Variants in CRADD observed in about 807,000 individuals in gnomAD.
CRADD encodes the protein CARD and death domain containing adaptor protein, also known as death domain-containing protein CRADD.
In CRADD, 9 loss-of-function variants were observed where a neutral mutation model predicts 15.5. The ratio of observed to expected loss-of-function variants is 0.58; its 90% confidence interval spans 0.35 to 1.01. The LOEUF (loss-of-function observed/expected upper bound fraction) is 1.01. CRADD is among the 50% of genes least tolerant of loss of function. The pLI is 0.02. For missense variants in CRADD, 227 were observed against 250.3 expected (o/e 0.91, Z 0.63); for synonymous variants, 118 against 107.6 (o/e 1.10, Z -0.60).
In CRADD at chr12:93,766,676, G is replaced by A. The variant is rs145625799; in HGVS notation, c.299-83294G>A. Among the ~76,000 whole-genome samples, 16 of 152,330 alleles carry A rather than the reference G, an allele frequency of 1.1e-4. No homozygotes were observed. In the South Asian group the frequency reaches 1.7e-3, roughly 16 times the overall value. ...AAGGTGAAACTGGTCCTCGTGATTG[G>A]TCGATTGCTTCTCTTTCTTGAGCAC... On this transcript the variant is annotated intron_variant, in intron 2 of 2. Transcript: ENST00000332896.
intron 2 of CRADD, among the ~76,000 whole-genome samples, chr12:93,805,548 CA>C (rs1957527456): frequency 6.6e-6 from 1 of 150,382 alleles, no homozygotes; most frequent in South Asian, 2.1e-4. Context: ...TCGAGCTGTT[CA>C]GTGAAAAAGA....
At chr12:93,849,947 C>G (rs375756893) in intron 2 of CRADD, 23 bp from the exon 3 acceptor site, 1 of 1,432,130 alleles carries the variant, frequency 7.0e-7, no homozygotes, top group Non-Finnish European at 9.9e-7. Flanking sequence ...CTCATTTCAC[C>G]GGGGTGTCTT....
At chr12:93,756,885 C>T (rs971386943) in intron 2 of CRADD, among the ~76,000 whole-genome samples, 4 of 152,154 alleles carry the variant, frequency 2.6e-5, no homozygotes, top group Admixed American at 2.0e-4. Context: ...CCTGGCACAC[C>T]TACAGGTGGG....
intron 2 of CRADD, among the ~76,000 whole-genome samples, chr12:93,800,417 CTG>C (rs1168228252): frequency 1.3e-5 from 2 of 152,146 alleles, no homozygotes; most frequent in East Asian, 3.9e-4. Context: ...TGGTTTGATT[CTG>C]TGTCTCCATC....
intron 2 of CRADD, among the ~76,000 whole-genome samples, chr12:93,857,316 G>T (rs553210879): frequency 6.6e-6 from 1 of 152,156 alleles, no homozygotes; most frequent in South Asian, 2.1e-4. Flanking sequence ...TTCTGGTGAC[G>T]TATAACCTCC....
At chr12:93,867,169 A>G (rs1446325737) in intron 2 of CRADD, among the ~76,000 whole-genome samples, 1 of 151,870 alleles carries the variant, frequency 6.6e-6, no homozygotes, top group Non-Finnish European at 1.5e-5. Context: ...ATGGGCTACT[A>G]CTTAGCTTGC....
intron 2 of CRADD, among the ~76,000 whole-genome samples, chr12:93,867,404 T>TA (rs1491540248): frequency 0.29 from 34,716 of 118,694 alleles, 8,164 homozygotes; most frequent in Middle Eastern, 0.36. Flanking sequence ...TATATATATA[T>TA]TTTTTAAACT....
At chr12:93,855,869 G>A (rs1198307379) in intron 2 of CRADD, among the ~76,000 whole-genome samples, 1 of 152,188 alleles carries the variant, frequency 6.6e-6, no homozygotes, top group Non-Finnish European at 1.5e-5. Flanking sequence ...CCAGGCTGGA[G>A]TGCTGTGGCA....
chr12:93,747,373 C>T (rs527869965), intron 2 of CRADD, among the ~76,000 whole-genome samples: 55 of 152,046 alleles, frequency 3.6e-4, no homozygotes, highest in South Asian at 1.5e-3. Flanking sequence ...GACAGGGAGA[C>T]GGGAAAGCAA....
chr12:93,881,898 AGGCG>A, intron 2 of CRADD, among the ~76,000 whole-genome samples: 1 of 150,290 alleles, frequency 6.7e-6, no homozygotes, highest in Non-Finnish European at 1.5e-5. Flanking sequence ...AGGCCGAGGC[AGGCG>A]GATCACTAGA....
intron 2 of CRADD, among the ~76,000 whole-genome samples, chr12:93,722,095 A>T (rs1592928082): frequency 6.6e-6 from 1 of 152,330 alleles, no homozygotes; most frequent in South Asian, 2.1e-4. Context: ...GTTTTGAAGG[A>T]TAGTTTCACA....
At chr12:93,801,681 G>C (rs1351681448) in intron 2 of CRADD, among the ~76,000 whole-genome samples, 2 of 152,228 alleles carry the variant, frequency 1.3e-5, no homozygotes, top group African/African-American at 2.4e-5. Context: ...TTCCAGGCAT[G>C]AGCCACAGTG....
intron 2 of CRADD, among the ~76,000 whole-genome samples, chr12:93,855,888 G>A (rs1047399291): frequency 2.6e-5 from 4 of 152,168 alleles, no homozygotes; most frequent in African/African-American, 9.7e-5. Flanking sequence ...CATGATCTTG[G>A]CTCACTGCAA....
chr12:93,697,404 A>G (rs968236588), intron 2 of CRADD, among the ~76,000 whole-genome samples: 2 of 152,180 alleles, frequency 1.3e-5, no homozygotes, highest in African/African-American at 2.4e-5. Context: ...CAGACACCAA[A>G]TGCTTGATCT....
chr12:93,773,388 G>C (rs1957105617), intron 2 of CRADD, among the ~76,000 whole-genome samples: 1 of 152,100 alleles, frequency 6.6e-6, no homozygotes, highest in Admixed American at 6.5e-5. Context: ...TTATATAAGG[G>C]GGAGTTTCCC....
intron 2 of CRADD, among the ~76,000 whole-genome samples, chr12:93,865,718 T>G (rs917653094): frequency 2.0e-5 from 3 of 152,258 alleles, no homozygotes; most frequent in Non-Finnish European, 4.4e-5. Context: ...CTGTATACTT[T>G]AAATCTTCTC....
At chr12:93,783,361 T>C (rs777981596) in intron 2 of CRADD, among the ~76,000 whole-genome samples, 8 of 151,240 alleles carry the variant, frequency 5.3e-5, no homozygotes, top group Non-Finnish European at 1.2e-4. Context: ...CTGAGCTCTT[T>C]TGTTTTATTT....
At chr12:93,765,937 TC>T (rs1024063148) in intron 2 of CRADD, among the ~76,000 whole-genome samples, 18 of 152,238 alleles carry the variant, frequency 1.2e-4, no homozygotes, top group Admixed American at 6.5e-5. Context: ...CAACCAGTAA[TC>T]CTGGGAGGCA....
At chr12:93,820,548 CAAAA>C (rs796143867) in intron 2 of CRADD, among the ~76,000 whole-genome samples, 1 of 110,566 alleles carries the variant, frequency 9.0e-6, no homozygotes, top group Non-Finnish European at 1.9e-5. Context: ...GACTCTGTCT[CAAAA>C]AAAAAAAAAA....
Sources: gnomAD v4.1 joint callset for allele counts (sites outside exome capture counted in the v4.1 genomes callset) on GRCh38, gnomAD v4.1.1 for gene constraint, MANE v1.5 for transcripts, NCBI Gene and HGNC (gene_info 2026-07-23, HGNC 2026-07-21) for gene names.